NOM1: variants seen among roughly 807,000 people sequenced by gnomAD.
NOM1 encodes nucleolar protein with MIF4G domain 1.
NOM1 carries 58 observed loss-of-function variants against 73.3 expected under a neutral mutation model. That is an observed-to-expected ratio of 0.79 (90% CI 0.64 to 0.99). The LOEUF (loss-of-function observed/expected upper bound fraction) is 0.99, where lower values mean the gene tolerates loss of function less well. Among genes scored for constraint, NOM1 ranks in the 50% least tolerant of loss-of-function variants. The pLI is 0.00. For missense variants in NOM1, 1,226 were observed against 1,131.9 expected (o/e 1.08, Z -1.19); for synonymous variants, 487 against 446.8 (o/e 1.09, Z -1.14).
chr7:156,949,865 A>G lies in NOM1; in HGVS notation c.128A>G (p.Lys43Arg), dbSNP rs748781313. Reference sequence around the variant, plus strand: ...GCTGGCGGTGGGGAGAAGGCCCTGAAGAGGCTGAAGCTAGCGGTGGAGGAG... The same window carrying G: ...GCTGGCGGTGGGGAGAAGGCCCTGAGGAGGCTGAAGCTAGCGGTGGAGGAG... The part of the protein sequence containing the change: ...GPAGGGEKAL[K>R]RLKLAVEEFV... The change falls in exon 1 of 11, where the codon AAG becomes AGG. Residue 43 changes from lysine (K) to arginine (R), a missense_variant. By Grantham distance (26) the Lys-to-Arg change is conservative (BLOSUM62 2). Transcript: ENST00000275820. 13 of 1,512,524 alleles carry G rather than the reference A, an allele frequency of 8.6e-6. No individual in the cohort carries two copies. Among genetic ancestry groups the G allele is most frequent in the South Asian group, 5.0e-5 (4 of 79,378 alleles). 93.7% of individuals were successfully genotyped at this position (1,512,524 alleles called of 1,614,324 possible). A position where few individuals can be genotyped will look rare whatever the true frequency, so the allele number is the denominator to read the frequency against.
chr7:156,964,107 C>T lies in NOM1; in HGVS notation c.2033+81C>T, dbSNP rs1453221466. The T allele has an allele frequency of 8.2e-6, 12 of 1,462,314 alleles. No individual in the cohort carries two copies. In the East Asian group the frequency reaches 1.4e-4, roughly 17 times the overall value. 90.6% of individuals were successfully genotyped at this position (1,462,314 alleles called of 1,614,324 possible). A position where few individuals can be genotyped will look rare whatever the true frequency, so the allele number is the denominator to read the frequency against. On this transcript the variant is annotated intron_variant, in intron 7 of 10. Coordinates refer to ENST00000275820, the MANE Select transcript of NOM1 (RefSeq NM_138400.2). Reference sequence around the variant, plus strand: ...GTTGATTTGCTTTTTGAGTTTTGGACGACTGAGTCTGATGCTGCCTAGGGA... The same window carrying T: ...GTTGATTTGCTTTTTGAGTTTTGGATGACTGAGTCTGATGCTGCCTAGGGA...
At chr7:156,963,851 G>T in intron 6 of NOM1, 54 bp from the exon 7 acceptor site, 1 of 1,580,346 alleles carries the variant, frequency 6.3e-7, no homozygotes, top group Non-Finnish European at 8.6e-7. Flanking sequence ...CACCTCTCGG[G>T]AGGCAGTTTG....
chr7:156,964,570 C>A (rs1444691235), intron 7 of NOM1, among the ~76,000 whole-genome samples: 1 of 151,616 alleles, frequency 6.6e-6, no homozygotes, highest in Non-Finnish European at 1.5e-5. Context: ...TACTGAGACC[C>A]CCATCTCATT....
intron 3 of NOM1, 142 bp from the exon 4 acceptor site, chr7:156,959,709 C>CT: frequency 1.3e-6 from 1 of 772,596 alleles, no homozygotes; most frequent in Non-Finnish European, 2.1e-6. Context: ...TGGCCGGCTG[C>CT]TCTGGGTTGC....
chr7:156,951,844 C>G (rs1804600446), intron 1 of NOM1, among the ~76,000 whole-genome samples: 1 of 151,836 alleles, frequency 6.6e-6, no homozygotes, highest in Admixed American at 6.6e-5. Flanking sequence ...GTAGCTGGGA[C>G]TACAGGCGCC....
rs1202817037 is a variant in NOM1, at chr7:156,952,546, A to AAAAAGG, written c.1063_1068dup (p.Lys355_Glu356dup). On this transcript the variant is annotated inframe_insertion, in exon 2 of 11. Coordinates refer to ENST00000275820, the MANE Select transcript of NOM1 (RefSeq NM_138400.2). ...AGCTGAGGAGACAGTGGACTTCAAG[A>AAAAAGG]AAAAGGAAGAACTAGAAAGGCTGAA... 1 of 1,614,046 alleles carries AAAAAGG rather than the reference A, an allele frequency of 6.2e-7. No homozygotes were observed.
intron 3 of NOM1, among the ~76,000 whole-genome samples, chr7:156,955,441 CATGCAA>C (rs1804697862): frequency 6.6e-6 from 1 of 151,646 alleles, no homozygotes; most frequent in South Asian, 2.1e-4. Flanking sequence ...ACAGTATTTA[CATGCAA>C]ATGCAGTGTT....
chr7:156,952,604 CTTGTAGTG>C lies in NOM1; in HGVS notation c.1112+11_1112+18del. ...GTAAAAGGTCTACTTAACAGGTGACCTTGTAGTGTTGTTACACTGTGTCACTTAGAGAG... is the reference window on the plus strand; with the variant it reads ...GTAAAAGGTCTACTTAACAGGTGACCTTGTTACACTGTGTCACTTAGAGAG... On this transcript the variant is annotated splice_region_variant and intron_variant, in intron 2 of 10. Coordinates refer to ENST00000275820, the MANE Select transcript of NOM1 (RefSeq NM_138400.2). 1 of 1,611,134 alleles carries C rather than the reference CTTGTAGTG, an allele frequency of 6.2e-7. No homozygotes were observed. Among genetic ancestry groups the C allele is most frequent in the South Asian group, 1.1e-5 (1 of 90,242 alleles).
At chr7:156,958,736 C>A (rs1284860214) in intron 3 of NOM1, 1 of 152,298 alleles carries the variant, frequency 6.6e-6, no homozygotes, top group East Asian at 1.9e-4. Context: ...ACACTTAGGC[C>A]TTGCTTAGCT....
In NOM1 at chr7:156,971,239, A is replaced by G. The variant is rs912108545; in HGVS notation, c.*1536A>G. Reference sequence around the variant, plus strand: ...AAAAGTCACTAAGATGTGAATACAGAATAGACATTGAGAGGTTATATATGT... The same window carrying G: ...AAAAGTCACTAAGATGTGAATACAGGATAGACATTGAGAGGTTATATATGT... On this transcript the variant is annotated 3_prime_UTR_variant, in exon 11 of 11. Coordinates refer to ENST00000275820, the MANE Select transcript of NOM1 (RefSeq NM_138400.2). 1.3e-5 allele frequency: 2 copies of G among 152,248 alleles called. No homozygotes were observed. Among genetic ancestry groups the G allele is most frequent in the African/African-American group, 4.8e-5 (2 of 41,466 alleles). The allele number at this position is 152,248 out of a possible 1,614,324, so 9.4% of individuals were successfully genotyped here. A position where few individuals can be genotyped will look rare whatever the true frequency, so the allele number is the denominator to read the frequency against.
intron 9 of NOM1, among the ~76,000 whole-genome samples, chr7:156,967,760 T>C (rs897548279): frequency 3.3e-5 from 5 of 152,152 alleles, no homozygotes; most frequent in African/African-American, 9.7e-5. Context: ...CCTGACCTTG[T>C]GATCTGCCCT....
chr7:156,963,612 C>T (rs866524255), intron 6 of NOM1: 2 of 368,862 alleles, frequency 5.4e-6, no homozygotes, highest in African/African-American at 2.1e-5. Flanking sequence ...CTCATGGTCA[C>T]GGTTTCCCAG....
chr7:156,955,908 C>T (rs971044742), intron 3 of NOM1, among the ~76,000 whole-genome samples: 4 of 152,098 alleles, frequency 2.6e-5, no homozygotes, highest in Admixed American at 6.5e-5. Flanking sequence ...ACATATTTGC[C>T]GGCCGGGCGC....
intron 9 of NOM1, among the ~76,000 whole-genome samples, chr7:156,967,716 G>T (rs559525090): frequency 6.6e-6 from 1 of 152,288 alleles, no homozygotes; most frequent in African/African-American, 2.4e-5. Context: ...ATAGAGACGG[G>T]ATTTCACCAT....
In NOM1 at chr7:156,950,048, C is replaced by G. The variant is rs147347140; in HGVS notation, c.311C>G (p.Pro104Arg). Residue 104 changes from proline (P) to arginine (R), a missense_variant, in exon 1 of 11, where the codon CCC becomes CGC. By Grantham distance (103) the Pro-to-Arg change is moderately radical. Transcript: ENST00000275820. ...KARRLQRTAG[P>R]EQGPGLGGRS... is the part of the protein sequence containing the mutation. ...CGCCGGCTGCAGAGGACGGCGGGCC[C>G]CGAACAGGGTCCCGGCCTGGGAGGC... The G allele has an allele frequency of 1.7e-5, 26 of 1,543,134 alleles. No individual in the cohort carries two copies. The Admixed American group carries it at 2.0e-4, about 12-fold the overall frequency.
At position 156,949,899 on chromosome 7, in the gene NOM1, C is replaced by A. The variant is rs911926580; in HGVS notation, c.162C>A (p.His54Gln). 6.5e-7 allele frequency: 1 copy of A among 1,539,338 alleles called. No homozygotes were observed. The change falls in exon 1 of 11, where the codon CAC (histidine) becomes CAA (glutamine). Residue 54 changes from histidine to glutamine, a missense_variant. Transcript: ENST00000275820. The stretch of plus-strand genomic sequence containing the variant: ...AGCTAGCGGTGGAGGAGTTCGTGCA[C>A]GCGACTTCGGAAGGCGAGGCTCCCG... ...RLKLAVEEFV[H>Q]ATSEGEAPGG...
At chr7:156,966,162 C>G (rs962453955) in intron 7 of NOM1, 108 bp from the exon 8 acceptor site, 2 of 1,398,676 alleles carry the variant, frequency 1.4e-6, no homozygotes, top group Non-Finnish European at 9.7e-7. Flanking sequence ...TTACGTGGCT[C>G]GCCTCTAACC....
At chr7:156,963,752 A>T in intron 6 of NOM1, 153 bp from the exon 7 acceptor site, 1 of 745,516 alleles carries the variant, frequency 1.3e-6, no homozygotes, top group Admixed American at 3.0e-5. Flanking sequence ...TTCCCCTTGC[A>T]CAGAGGGGCG....
chr7:156,969,056 AC>A (rs112593997), intron 9 of NOM1, 30 bp from the exon 10 acceptor site: 1 of 1,229,830 alleles, frequency 8.1e-7, no homozygotes, highest in Non-Finnish European at 1.2e-6. Context: ...AATCAGTGTA[AC>A]TTTATTTTTC....
Sources: gnomAD v4.1 joint callset for allele counts (sites outside exome capture counted in the v4.1 genomes callset) on GRCh38, gnomAD v4.1.1 for gene constraint, MANE v1.5 for transcripts, NCBI Gene and HGNC (gene_info 2026-07-23, HGNC 2026-07-21) for gene names.